The following DNAH11 variants were observed in gnomAD, a reference collection of about 807,000 sequenced individuals.
The protein encoded by DNAH11 is axonemal beta dynein heavy chain 11.
Under a neutral mutation model 526.0 loss-of-function variants are expected in DNAH11, and 442 were observed. That is an observed-to-expected ratio of 0.84 (90% CI 0.78 to 0.91). The LOEUF (loss-of-function observed/expected upper bound fraction) is 0.91. Ranked by LOEUF, DNAH11 falls within the 40% of genes least tolerant of loss-of-function variation. DNAH11 has a pLI of 0.00. For missense variants in DNAH11, 6,989 were observed against 5,448.7 expected (o/e 1.28, Z -8.90); for synonymous variants, 2,461 against 1,935.9 (o/e 1.27, Z -7.12).
chr7:21,754,547 G>A (rs950419932), intron 54 of DNAH11, among the ~76,000 whole-genome samples: 5 of 151,052 alleles, frequency 3.3e-5, no homozygotes, highest in Admixed American at 2.6e-4. Flanking sequence ...TTATTTTTGA[G>A]TTAGATGTGG....
chr7:21,596,641 T>C (rs1052996926), intron 14 of DNAH11, among the ~76,000 whole-genome samples: 1 of 152,176 alleles, frequency 6.6e-6, no homozygotes, highest in Admixed American at 6.5e-5. Flanking sequence ...AAGATATGAA[T>C]CCTGATGAAA....
At chr7:21,693,990 C>G (rs551083054) in intron 35 of DNAH11, among the ~76,000 whole-genome samples, 107 of 152,030 alleles carry the variant, frequency 7.0e-4, no homozygotes, top group Non-Finnish European at 1.3e-3. Context: ...TTCAACCCAT[C>G]GTATCTCATG....
intron 75 of DNAH11, among the ~76,000 whole-genome samples, chr7:21,881,941 T>A (rs1428627409): frequency 2.6e-5 from 1 of 38,818 alleles, no homozygotes; most frequent in Non-Finnish European, 9.1e-5. Flanking sequence ...ATTTATAGAA[T>A]TAAGTAATTC....
intron 14 of DNAH11, among the ~76,000 whole-genome samples, chr7:21,596,316 T>C (rs1784859637): frequency 6.6e-6 from 1 of 152,248 alleles, no homozygotes; most frequent in Middle Eastern, 3.4e-3. Context: ...AGGGCCATGC[T>C]CCCTCAGAAG....
At chr7:21,754,358 T>C (rs1786534741) in intron 54 of DNAH11, among the ~76,000 whole-genome samples, 1 of 152,214 alleles carries the variant, frequency 6.6e-6, no homozygotes, top group South Asian at 2.1e-4. Context: ...TAATACAGAA[T>C]GATATACAGA....
intron 28 of DNAH11, among the ~76,000 whole-genome samples, chr7:21,652,658 T>G (rs1449077480): frequency 6.6e-6 from 1 of 152,188 alleles, no homozygotes; most frequent in Non-Finnish European, 1.5e-5. Context: ...TCATTCAGAT[T>G]GCATAACGTG....
intron 20 of DNAH11, among the ~76,000 whole-genome samples, chr7:21,611,297 C>T (rs1305575288): frequency 2.2e-4 from 34 of 152,182 alleles, no homozygotes; most frequent in Admixed American, 2.2e-3. Context: ...GCATCTGGTT[C>T]TTAGGACTTT....
At chr7:21,614,159 G>A (rs966157186) in intron 20 of DNAH11, among the ~76,000 whole-genome samples, 8 of 152,126 alleles carry the variant, frequency 5.3e-5, no homozygotes, top group African/African-American at 1.7e-4. Context: ...AAGGTTGATG[G>A]AACATAAAAG....
At chr7:21,743,840 A>C (rs1029599) in intron 49 of DNAH11, among the ~76,000 whole-genome samples, 1 of 151,958 alleles carries the variant, frequency 6.6e-6, no homozygotes, top group Non-Finnish European at 1.5e-5. Context: ...AGCCTTTTGC[A>C]GCTCAGTTCT....
intron 35 of DNAH11, among the ~76,000 whole-genome samples, chr7:21,695,909 A>G (rs1429955010): frequency 6.6e-6 from 1 of 152,196 alleles, no homozygotes; most frequent in African/African-American, 2.4e-5. Context: ...AAACCCATCA[A>G]AAAGTGGGCA....
intron 8 of DNAH11, among the ~76,000 whole-genome samples, chr7:21,573,713 A>G (rs55718143): frequency 0.12 from 17,815 of 152,106 alleles, 1,270 homozygotes; most frequent in East Asian, 0.21. Flanking sequence ...GCATGTACAT[A>G]TGAATACATG....
At chr7:21,770,171 CA>C (rs1156344705) in intron 55 of DNAH11, among the ~76,000 whole-genome samples, 1 of 152,094 alleles carries the variant, frequency 6.6e-6, no homozygotes, top group African/African-American at 2.4e-5. Context: ...ATCCCTTACC[CA>C]AAATACTTGG....
chr7:21,721,533 A>G (rs1022680488), intron 44 of DNAH11, among the ~76,000 whole-genome samples: 3 of 152,298 alleles, frequency 2.0e-5, no homozygotes, highest in African/African-American at 7.2e-5. Context: ...TGGTGTCAGC[A>G]TGGTTGAGTT....
Position 21,681,603 on chromosome 7 carries a change from A to G in DNAH11, c.5386A>G (p.Arg1796Gly). 6.2e-7 allele frequency: 1 copy of G among 1,613,912 alleles called. No homozygotes were observed. The highest frequency in any genetic ancestry group is 8.5e-7 in the Non-Finnish European group (1 of 1,179,810). The change falls in exon 31 of 82, where the codon AGA (arginine) becomes GGA (glycine). Residue 1796 changes from arginine (R) to glycine (G), a missense_variant. Arg to Gly is a moderately radical substitution (Grantham distance 125). Coordinates refer to ENST00000409508, the MANE Select transcript of DNAH11 (RefSeq NM_001277115.2). ...GCTGGGAGAACTTCCACCTGGAGAC[A>G]GACAGAAGATCATGACAATTTGTAC... The part of the protein sequence containing the change: ...LLLGELPPGD[R>G]QKIMTICTID...
At chr7:21,624,896 T>A (rs1477328505) in intron 25 of DNAH11, among the ~76,000 whole-genome samples, 1 of 152,150 alleles carries the variant, frequency 6.6e-6, no homozygotes, top group Non-Finnish European at 1.5e-5. Flanking sequence ...CACTTGATCA[T>A]GGTGAATGAT....
intron 38 of DNAH11, among the ~76,000 whole-genome samples, chr7:21,705,245 G>A (rs879068186): frequency 5.9e-5 from 9 of 152,126 alleles, no homozygotes; most frequent in African/African-American, 9.7e-5. Context: ...GCGTAAAATC[G>A]TGGGTTGGCT....
chr7:21,578,551 C>A (rs1583497555), intron 8 of DNAH11, among the ~76,000 whole-genome samples: 6 of 152,166 alleles, frequency 3.9e-5, no homozygotes, highest in Admixed American at 3.9e-4. Context: ...GTGGATCTCC[C>A]ATTCTGGGGT....
intron 28 of DNAH11, among the ~76,000 whole-genome samples, chr7:21,651,040 TTA>T (rs1409617878): frequency 6.6e-6 from 1 of 152,050 alleles, no homozygotes; most frequent in Admixed American, 6.5e-5. Context: ...TGGACTCACT[TTA>T]TCTCATTCTA....
At chr7:21,807,703 C>T (rs1789329068) in intron 62 of DNAH11, among the ~76,000 whole-genome samples, 180 bp from the exon 63 acceptor site, 1 of 152,134 alleles carries the variant, frequency 6.6e-6, no homozygotes, top group Non-Finnish European at 1.5e-5. Flanking sequence ...AGAACTCCAT[C>T]ATAATGATGG....
Sources: gnomAD v4.1 joint callset for allele counts (sites outside exome capture counted in the v4.1 genomes callset) on GRCh38, gnomAD v4.1.1 for gene constraint, MANE v1.5 for transcripts, NCBI Gene and HGNC (gene_info 2026-07-23, HGNC 2026-07-21) for gene names.